C12orf42: variants seen among roughly 807,000 people sequenced by gnomAD.
The protein encoded by C12orf42 is chromosome 12 open reading frame 42.
C12orf42 carries 25 observed loss-of-function variants against 21.6 expected under a neutral mutation model. The observed-to-expected ratio is 1.16, with a 90% CI of 0.84 to 1.62. The LOEUF is 1.62. C12orf42 is among the 40% of genes most tolerant of loss of function. The pLI, the probability that C12orf42 is intolerant of heterozygous loss-of-function variation, is 0.00. For missense variants in C12orf42, 483 were observed against 459.3 expected (o/e 1.05, Z -0.47); for synonymous variants, 174 against 175.0 (o/e 0.99, Z 0.05).
chr12:103,169,884 G>A, the C12orf42 span, among the ~76,000 whole-genome samples: 1 of 152,094 alleles, frequency 6.6e-6, no homozygotes, highest in Non-Finnish European at 1.5e-5. Context: ...GAGAGGAATA[G>A]GAGGTTCAGA....
chr12:103,472,581 A>G (rs2137901563), intron 2 of C12orf42, among the ~76,000 whole-genome samples: 1 of 152,322 alleles, frequency 6.6e-6, no homozygotes, highest in Non-Finnish European at 1.5e-5. Flanking sequence ...TTTTCTGACC[A>G]TCAGCTGACC....
At chr12:103,225,076 C>A in the C12orf42 span, among the ~76,000 whole-genome samples, 2 of 151,732 alleles carry the variant, frequency 1.3e-5, no homozygotes, top group South Asian at 4.2e-4. Context: ...TTTGCTGAGC[C>A]TAATGGGTGT....
chr12:103,233,204 AC>A (rs1216714129), downstream of C12orf42, among the ~76,000 whole-genome samples: 1 of 152,168 alleles, frequency 6.6e-6, no homozygotes, highest in African/African-American at 2.4e-5. Context: ...TTTTGCCAAT[AC>A]CACACTGTCT....
intron 4 of C12orf42, among the ~76,000 whole-genome samples, chr12:103,312,504 T>C (rs148740944): frequency 6.6e-6 from 1 of 152,298 alleles, no homozygotes; most frequent in Non-Finnish European, 1.5e-5. Context: ...TGCTCAAAGT[T>C]CCAATGAATA....
At chr12:103,294,433 A>G (rs1270515140) in intron 4 of C12orf42, among the ~76,000 whole-genome samples, 1 of 79,152 alleles carries the variant, frequency 1.3e-5, no homozygotes, top group African/African-American at 7.5e-5. Flanking sequence ...AGAGAGAGAA[A>G]GAAAGAAAGA....
intron 5 of C12orf42, among the ~76,000 whole-genome samples, chr12:103,270,726 C>A (rs2035423712): frequency 2.1e-5 from 3 of 140,730 alleles, no homozygotes; most frequent in Non-Finnish European, 3.1e-5. Context: ...TATCCCTCCC[C>A]CCTCCCCCTA....
chr12:103,147,960 A>G, the C12orf42 span, among the ~76,000 whole-genome samples: 7 of 152,206 alleles, frequency 4.6e-5, no homozygotes, highest in Non-Finnish European at 8.8e-5. Context: ...ATGGAAAACA[A>G]TAAGAGAAAT....
chr12:103,160,476 T>TC, the C12orf42 span, among the ~76,000 whole-genome samples: 1 of 152,222 alleles, frequency 6.6e-6, no homozygotes. Flanking sequence ...AATAAAATTT[T>TC]CCCCCAAGTA....
chr12:103,169,159 TATAAATAAATAA>T, the C12orf42 span, among the ~76,000 whole-genome samples: 1,235 of 145,480 alleles, frequency 8.5e-3, 5 homozygotes, highest in Non-Finnish European at 0.013. Flanking sequence ...TAAAGTATAA[TATAAATAAATAA>T]ATAAATAAAT....
At chr12:103,547,453 T>C in the C12orf42 span, among the ~76,000 whole-genome samples, 109,774 of 152,144 alleles carry the variant, frequency 0.72, 40,970 homozygotes, top group African/African-American at 0.91. Flanking sequence ...GTCGTGATTG[T>C]CTAAATTTAA....
At chr12:103,153,627 C>T in the C12orf42 span, among the ~76,000 whole-genome samples, 1 of 152,012 alleles carries the variant, frequency 6.6e-6, no homozygotes, top group Non-Finnish European at 1.5e-5. Context: ...AGCGTATACC[C>T]ACTAGGATGA....
chr12:103,340,918 C>T lies in C12orf42; in HGVS notation c.259+27969G>A, dbSNP rs185864713. Among the ~76,000 whole-genome samples, 527 of 152,084 alleles carry T rather than the reference C, an allele frequency of 3.5e-3. 3 individuals are homozygous for T. Among genetic ancestry groups the T allele is most frequent in the Non-Finnish European group, 3.3e-3 (225 of 67,990 alleles). ...CACGAGGTCAGGAGATCGAGACCAT[C>T]CTGACTAACATGGTGAAACCCAGTC... On this transcript the variant is annotated intron_variant, in intron 4 of 5. Transcript: ENST00000548883.
chr12:103,076,806 C>G, the C12orf42 span, among the ~76,000 whole-genome samples: 2 of 152,108 alleles, frequency 1.3e-5, no homozygotes, highest in African/African-American at 4.8e-5. Flanking sequence ...CTTATACCAA[C>G]CCTATAATTA....
chr12:103,207,008 A>G, the C12orf42 span, among the ~76,000 whole-genome samples: 1 of 152,016 alleles, frequency 6.6e-6, no homozygotes, highest in Admixed American at 6.6e-5. Flanking sequence ...TGGAATTCTT[A>G]TCTCTCCCCA....
At chr12:103,468,005 C>A (rs1221765827) in intron 2 of C12orf42, among the ~76,000 whole-genome samples, 2 of 152,146 alleles carry the variant, frequency 1.3e-5, no homozygotes, top group African/African-American at 4.8e-5. Flanking sequence ...CCAGTTGCAT[C>A]TATTTCAGAA....
chr12:103,444,585 T>C (rs1951461386), intron 2 of C12orf42, among the ~76,000 whole-genome samples: 1 of 152,086 alleles, frequency 6.6e-6, no homozygotes, highest in East Asian at 1.9e-4. Context: ...TACCTGCAAA[T>C]TGTGTTAGTT....
At chr12:103,146,364 C>T in the C12orf42 span, among the ~76,000 whole-genome samples, 11 of 150,208 alleles carry the variant, frequency 7.3e-5, no homozygotes, top group African/African-American at 2.7e-4. Context: ...CCTGTAATCC[C>T]AGCTACTGGG....
the C12orf42 span, among the ~76,000 whole-genome samples, chr12:103,135,190 C>G: frequency 3.3e-5 from 5 of 152,206 alleles, no homozygotes; most frequent in Admixed American, 1.3e-4. Flanking sequence ...CAGGTTTGCT[C>G]ATGCCTGTAA....
the C12orf42 span, chr12:103,558,096 A>G: frequency 6.6e-6 from 1 of 152,126 alleles, no homozygotes; most frequent in Non-Finnish European, 1.5e-5. Context: ...CTCCATTTCC[A>G]CTGCCAGCCC....
Sources: gnomAD v4.1 joint callset for allele counts (sites outside exome capture counted in the v4.1 genomes callset) on GRCh38, gnomAD v4.1.1 for gene constraint, MANE v1.5 for transcripts, NCBI Gene and HGNC (gene_info 2026-07-23, HGNC 2026-07-21) for gene names.